Variants in DMD observed in about 807,000 individuals in gnomAD.
DMD encodes dystrophin.
DMD carries 63 observed loss-of-function variants against 330.1 expected under a neutral mutation model. That is an observed-to-expected ratio of 0.19 (90% CI 0.16 to 0.24). The LOEUF (loss-of-function observed/expected upper bound fraction) is 0.24. Among genes scored for constraint, DMD ranks in the 10% least tolerant of loss-of-function variants. The probability of loss-of-function intolerance (pLI) is 1.00; values close to 1 mark genes in which losing one functional copy is unlikely to be tolerated. For synonymous variants in DMD, 1,223 were observed against 959.8 expected (o/e 1.27, Z -5.07); for missense variants, 3,344 against 2,684.1 (o/e 1.25, Z -5.43).
chrX:31,354,775 G>A (rs1206015242), intron 60 of DMD, among the ~76,000 whole-genome samples: 1 of 112,158 alleles, frequency 8.9e-6, no homozygotes, highest in Non-Finnish European at 1.9e-5. Context: ...TATCTGTCTT[G>A]TTAAGAATTT....
At chrX:32,777,974 G>A (rs1224447222) in intron 7 of DMD, among the ~76,000 whole-genome samples, 1 of 111,909 alleles carries the variant, frequency 8.9e-6, no homozygotes, top group Non-Finnish European at 1.9e-5. Context: ...CATACAAGAA[G>A]CAATCCCAGC....
In DMD at chrX:32,708,754, A is replaced by G. The variant is rs188374299; in HGVS notation, c.650-9461T>C. ...CCATTGGACAAACCAGATGGCATAC[A>G]ACACTGATGTGACTCTCTCAGCACA... On this transcript the variant is annotated intron_variant, in intron 7 of 78. Transcript: ENST00000357033. Among the ~76,000 whole-genome samples the G allele has an allele frequency of 4.5e-5, 5 of 111,517 alleles. No individual in the cohort carries two copies. The East Asian group carries it at 1.4e-3, about 31-fold the overall frequency.
chrX:32,485,734 CTTTTTTTT>C (rs5902034), intron 20 of DMD, among the ~76,000 whole-genome samples: 12 of 36,148 alleles, frequency 3.3e-4, no homozygotes, highest in Non-Finnish European at 5.1e-4. Context: ...GCAACCACTG[CTTTTTTTT>C]TTTTTTTTTT....
chrX:31,606,798 T>C (rs1040092388), intron 55 of DMD, among the ~76,000 whole-genome samples: 1 of 112,211 alleles, frequency 8.9e-6, no homozygotes, highest in African/African-American at 3.2e-5. Flanking sequence ...GGGAACATGT[T>C]TTCTTCCATT....
intron 17 of DMD, among the ~76,000 whole-genome samples, chrX:32,518,920 G>A (rs1449008424): frequency 9.9e-6 from 1 of 100,616 alleles, no homozygotes; most frequent in Non-Finnish European, 2.0e-5. Context: ...AATAGGTGCT[G>A]TTTTAAGCCA....
At chrX:32,246,314 C>A (rs2097237346) in intron 43 of DMD, among the ~76,000 whole-genome samples, 1 of 101,720 alleles carries the variant, frequency 9.8e-6, no homozygotes, top group Non-Finnish European at 2.0e-5. Context: ...GGATGAAGCC[C>A]ACTTGATCAT....
chrX:33,310,059 A>C (rs2053825970), intron 1 of DMD, among the ~76,000 whole-genome samples: 1 of 111,026 alleles, frequency 9.0e-6, no homozygotes, highest in Non-Finnish European at 1.9e-5. Context: ...AAACCAAGGC[A>C]CCTTTTTCTA....
At chrX:32,466,242 T>C (rs754462433) in intron 23 of DMD, among the ~76,000 whole-genome samples, 95 of 111,362 alleles carry the variant, frequency 8.5e-4, no homozygotes, top group African/African-American at 2.5e-3. Flanking sequence ...GTTGAACTTA[T>C]ATCATTTAAC....
chrX:33,162,478 A>G (rs2048815650), intron 1 of DMD, among the ~76,000 whole-genome samples: 1 of 111,701 alleles, frequency 9.0e-6, no homozygotes, highest in Admixed American at 9.6e-5. Flanking sequence ...GGATGATAGC[A>G]CTTAGAAAAA....
intron 51 of DMD, among the ~76,000 whole-genome samples, chrX:31,756,018 G>C (rs1299211440): frequency 9.0e-6 from 1 of 111,390 alleles, no homozygotes; most frequent in Non-Finnish European, 1.9e-5. Context: ...GTGTGCGTGA[G>C]AGAGACACAG....
chrX:31,191,726 C>T (rs923639589), intron 67 of DMD, among the ~76,000 whole-genome samples: 3 of 111,852 alleles, frequency 2.7e-5, no homozygotes, highest in South Asian at 3.7e-4. Flanking sequence ...GTAAATTGCC[C>T]CATCTCAGGT....
chrX:31,781,975 T>G (rs1186307416), intron 50 of DMD, among the ~76,000 whole-genome samples: 1 of 110,601 alleles, frequency 9.0e-6, no homozygotes, highest in Non-Finnish European at 1.9e-5. Context: ...TTTATGCCTA[T>G]CCAATTTTTT....
At chrX:32,745,594 C>G (rs1336832350) in intron 7 of DMD, among the ~76,000 whole-genome samples, 1 of 112,308 alleles carries the variant, frequency 8.9e-6, no homozygotes, top group Non-Finnish European at 1.9e-5. Context: ...TCCTTCAATG[C>G]AATGAATTCT....
intron 7 of DMD, among the ~76,000 whole-genome samples, chrX:32,722,038 A>T (rs776995573): frequency 6.5e-4 from 72 of 110,265 alleles, no homozygotes; most frequent in African/African-American, 2.3e-3. Flanking sequence ...ATGGCATTAC[A>T]ATACTCTTTT....
Position 31,137,163 on chromosome X carries a change from C to T in DMD, c.10922-2969G>A, listed in dbSNP as rs1005961631. On this transcript the variant is annotated intron_variant, in intron 76 of 78. Coordinates refer to ENST00000357033, the MANE Select transcript of DMD (RefSeq NM_004006.3). ...CCTCCTGAGTAGCTGGGACTACAGG[C>T]GCGTGCCACCACGCCTGGCTAATTT... 4.5e-5 allele frequency among the ~76,000 whole-genome samples: 5 copies of T among 111,064 alleles called. No homozygotes were observed. In the East Asian group the frequency reaches 1.1e-3, roughly 25 times the overall value.
intron 9 of DMD, among the ~76,000 whole-genome samples, chrX:32,665,573 G>C (rs150641743): frequency 9.3e-4 from 104 of 111,921 alleles, no homozygotes; most frequent in African/African-American, 3.3e-3. Context: ...CACTCACTTA[G>C]ATCACAATGG....
chrX:32,178,312 AAT>A (rs1383958912), intron 44 of DMD, among the ~76,000 whole-genome samples: 3 of 110,281 alleles, frequency 2.7e-5, no homozygotes, highest in South Asian at 3.8e-4. Flanking sequence ...ATGCATTCCT[AAT>A]ATGTGTTTGT....
intron 2 of DMD, among the ~76,000 whole-genome samples, chrX:32,992,637 T>TG (rs1277067442): frequency 9.0e-6 from 1 of 111,282 alleles, no homozygotes; most frequent in Non-Finnish European, 1.9e-5. Context: ...AACAGACTGT[T>TG]GGCCAGGTGG....
At chrX:32,453,797 C>T (rs2098343406) in intron 26 of DMD, among the ~76,000 whole-genome samples, 1 of 110,727 alleles carries the variant, frequency 9.0e-6, no homozygotes, top group Non-Finnish European at 1.9e-5. Flanking sequence ...GTATCTGGCT[C>T]CACATTGATT....
Sources: gnomAD v4.1 joint callset for allele counts (sites outside exome capture counted in the v4.1 genomes callset) on GRCh38, gnomAD v4.1.1 for gene constraint, MANE v1.5 for transcripts, NCBI Gene and HGNC (gene_info 2026-07-23, HGNC 2026-07-21) for gene names.